BBOX1: variants seen among roughly 807,000 people sequenced by gnomAD.
BBOX1 encodes the protein gamma-butyrobetaine hydroxylase 1, also known as gamma-butyrobetaine dioxygenase.
A neutral mutation model predicts 41.6 loss-of-function variants in BBOX1; 35 were observed. The ratio of observed to expected loss-of-function variants is 0.84; its 90% CI spans 0.64 to 1.11. BBOX1 has a LOEUF of 1.11. Among genes scored for constraint, BBOX1 ranks in the 50% most tolerant of loss-of-function variants. BBOX1 has a pLI of 0.00. For missense variants in BBOX1, 458 were observed against 460.6 expected, an observed-to-expected ratio of 0.99 and a Z score of 0.05; for synonymous variants, 163 against 154.7, an observed-to-expected ratio of 1.05 and a Z score of -0.40.
chr11:27,082,731 G>T (rs1009975679), intron 4 of BBOX1, among the ~76,000 whole-genome samples: 13 of 152,098 alleles, frequency 8.5e-5, no homozygotes, highest in Non-Finnish European at 1.8e-4. Flanking sequence ...TTAGAAGGGT[G>T]CATGAAATCA....
intron 2 of BBOX1, among the ~76,000 whole-genome samples, chr11:27,045,494 CCTTGT>C (rs1383484682): frequency 6.6e-6 from 1 of 151,932 alleles, no homozygotes; most frequent in Non-Finnish European, 1.5e-5. Flanking sequence ...CAGAGGGCAT[CCTTGT>C]CTTGTGCCAG....
chr11:27,047,919 G>A (rs750454153), intron 2 of BBOX1, among the ~76,000 whole-genome samples: 19 of 151,804 alleles, frequency 1.3e-4, no homozygotes, highest in Non-Finnish European at 2.6e-4. Context: ...TAATCTTACC[G>A]TCCATACAAT....
chr11:27,048,417 A>G (rs1851559135), intron 2 of BBOX1, among the ~76,000 whole-genome samples: 1 of 151,900 alleles, frequency 6.6e-6, no homozygotes, highest in African/African-American at 2.4e-5. Context: ...GATCTGTGTT[A>G]TCAAAAATGA....
At position 27,093,158 on chromosome 11, in the gene BBOX1, C is replaced by T. The variant is rs1217775311; in HGVS notation, c.335-10C>T. On this transcript the variant is annotated splice_polypyrimidine_tract_variant and intron_variant, in intron 4 of 8. Coordinates refer to ENST00000263182, the MANE Select transcript of BBOX1 (RefSeq NM_003986.3). ...ATCCCATCTGATTTCTTCATTTTATCAATTCACAGAATGCCAATACTGGGG... is the reference window on the plus strand; with the variant it reads ...ATCCCATCTGATTTCTTCATTTTATTAATTCACAGAATGCCAATACTGGGG... 6.2e-7 allele frequency: 1 copy of T among 1,610,254 alleles called. No individual in the cohort carries two copies. Among genetic ancestry groups the T allele is most frequent in the Non-Finnish European group, 8.5e-7 (1 of 1,177,484 alleles).
chr11:27,115,223 A>G (rs1208127451), intron 5 of BBOX1, among the ~76,000 whole-genome samples: 1 of 151,914 alleles, frequency 6.6e-6, no homozygotes. Context: ...TGTAGGATAG[A>G]CTGATGTACT....
At chr11:27,116,348 A>G (rs1394226318) in intron 6 of BBOX1, among the ~76,000 whole-genome samples, 2 of 151,834 alleles carry the variant, frequency 1.3e-5, no homozygotes, top group Admixed American at 1.3e-4. Flanking sequence ...GGGGAGGGAT[A>G]GCATTAGAAG....
Position 27,119,828 on chromosome 11 carries a change from A to C in BBOX1, c.819A>C (p.Ser273=). The C allele has an allele frequency of 6.6e-7, 1 of 1,523,918 alleles. No homozygotes were observed. The highest frequency in any genetic ancestry group is 8.8e-7 in the Non-Finnish European group (1 of 1,136,250). The allele number at this position is 1,523,918 out of a possible 1,614,324, so 94.4% of individuals were successfully genotyped here. A position where few individuals can be genotyped will look rare whatever the true frequency, so the allele number is the denominator to read the frequency against. ...ATTACTGTGATTTTTCTGTACAATCAAAACATAAAATTATAGAGTAAGTAC... is the reference window on the plus strand; with the variant it reads ...ATTACTGTGATTTTTCTGTACAATCCAAACATAAAATTATAGAGTAAGTAC... ...GVDYCDFSVQ[S]KHKIIELDDK... is the part of the protein sequence containing the mutation. Residue 273 remains serine, a synonymous_variant, in exon 7 of 9, where the codon TCA becomes TCC. Coordinates refer to ENST00000263182, the MANE Select transcript of BBOX1 (RefSeq NM_003986.3).
chr11:27,090,638 A>G (rs1858210641), intron 4 of BBOX1, among the ~76,000 whole-genome samples: 1 of 151,902 alleles, frequency 6.6e-6, no homozygotes, highest in African/African-American at 2.4e-5. Flanking sequence ...CATCTTAAAC[A>G]ACAGAAAACA....
intron 4 of BBOX1, among the ~76,000 whole-genome samples, chr11:27,063,968 T>A (rs1216946103): frequency 6.6e-6 from 1 of 152,226 alleles, no homozygotes; most frequent in Non-Finnish European, 1.5e-5. Context: ...CAGAGGCCAT[T>A]TTTACAAAGC....
intron 6 of BBOX1, among the ~76,000 whole-genome samples, chr11:27,117,957 C>A (rs1296307893): frequency 6.6e-6 from 1 of 151,910 alleles, no homozygotes; most frequent in South Asian, 2.1e-4. Flanking sequence ...AGGCCTCCAT[C>A]TAGTTTTCTG....
chr11:27,116,767 T>C (rs1859279311), intron 6 of BBOX1, among the ~76,000 whole-genome samples: 1 of 152,022 alleles, frequency 6.6e-6, no homozygotes. Flanking sequence ...GCTAGTCACC[T>C]CTGCAATGTT....
At chr11:27,048,025 G>A (rs2133946140) in intron 2 of BBOX1, among the ~76,000 whole-genome samples, 1 of 152,174 alleles carries the variant, frequency 6.6e-6, no homozygotes, top group Non-Finnish European at 1.5e-5. Flanking sequence ...TGGTCAGTGT[G>A]ATGCTTATCT....
At chr11:27,048,784 G>C (rs977391809) in intron 2 of BBOX1, among the ~76,000 whole-genome samples, 1 of 147,696 alleles carries the variant, frequency 6.8e-6, no homozygotes, top group Non-Finnish European at 1.5e-5. Context: ...AAGTTTTAGG[G>C]TACATGTGCC....
chr11:27,124,078 T>A (rs1859560107), intron 7 of BBOX1, among the ~76,000 whole-genome samples: 1 of 152,156 alleles, frequency 6.6e-6, no homozygotes, highest in Non-Finnish European at 1.5e-5. Context: ...GCCCTGATCA[T>A]CACAATTTGT....
chr11:27,044,991 T>C (rs959775307), intron 2 of BBOX1, among the ~76,000 whole-genome samples: 2 of 152,356 alleles, frequency 1.3e-5, no homozygotes, highest in Non-Finnish European at 2.9e-5. Flanking sequence ...TTGATGGGGA[T>C]AGCATTGAAT....
intron 2 of BBOX1, among the ~76,000 whole-genome samples, chr11:27,051,398 T>C (rs916536658): frequency 2.0e-5 from 3 of 152,046 alleles, no homozygotes; most frequent in Non-Finnish European, 4.4e-5. Context: ...AAAATTTGAG[T>C]AGAATTTGTG....
intron 5 of BBOX1, among the ~76,000 whole-genome samples, chr11:27,097,373 A>T (rs1340250952): frequency 1.3e-5 from 2 of 152,062 alleles, no homozygotes; most frequent in East Asian, 3.9e-4. Flanking sequence ...ATTTTCAATG[A>T]TTATACCAAG....
chr11:27,118,195 C>T (rs548932333), intron 6 of BBOX1, among the ~76,000 whole-genome samples: 1 of 152,050 alleles, frequency 6.6e-6, no homozygotes, highest in East Asian at 1.9e-4. Flanking sequence ...AGAAGTGCAA[C>T]AAACCTGTAC....
intron 5 of BBOX1, among the ~76,000 whole-genome samples, chr11:27,109,475 A>T (rs914229303): frequency 1.3e-5 from 2 of 152,074 alleles, no homozygotes; most frequent in Middle Eastern, 3.2e-3. Context: ...CTTTTTCTAG[A>T]TTTGAGATTA....
Sources: gnomAD v4.1 joint callset for allele counts (sites outside exome capture counted in the v4.1 genomes callset) on GRCh38, gnomAD v4.1.1 for gene constraint, MANE v1.5 for transcripts, NCBI Gene and HGNC (gene_info 2026-07-23, HGNC 2026-07-21) for gene names.